Variants in MYO3A observed in about 807,000 individuals in gnomAD.
The protein encoded by MYO3A is myosin-IIIa.
A neutral mutation model predicts 192.7 loss-of-function variants in MYO3A; 180 were observed. That is an observed-to-expected ratio of 0.93 (90% CI 0.83 to 1.06). The LOEUF (loss-of-function observed/expected upper bound fraction) is 1.06. MYO3A is among the 50% of genes least tolerant of loss of function. MYO3A has a pLI of 0.00. For missense variants in MYO3A, 1,896 were observed against 1,905.0 expected (o/e 1.00, Z 0.09); for synonymous variants, 628 against 645.3 (o/e 0.97, Z 0.41).
intron 10 of MYO3A, among the ~76,000 whole-genome samples, chr10:26,032,276 A>G (rs1161687042): frequency 6.6e-6 from 1 of 152,228 alleles, no homozygotes; most frequent in Non-Finnish European, 1.5e-5. Context: ...CATATGTGGA[A>G]GGATTAACAA....
chr10:26,156,323 A>C (rs532592030), intron 25 of MYO3A, among the ~76,000 whole-genome samples: 1 of 152,276 alleles, frequency 6.6e-6, no homozygotes, highest in South Asian at 2.1e-4. Context: ...TCCAACACTA[A>C]ACGGGATCCA....
intron 3 of MYO3A, among the ~76,000 whole-genome samples, chr10:25,952,820 C>G (rs1322088448): frequency 1.5e-5 from 2 of 133,886 alleles, no homozygotes; most frequent in Non-Finnish European, 3.3e-5. Context: ...AATTAAATTT[C>G]ATGTTCAGCT....
chr10:26,107,701 A>G (rs1273455363), intron 17 of MYO3A, among the ~76,000 whole-genome samples: 3 of 152,030 alleles, frequency 2.0e-5, no homozygotes, highest in Admixed American at 6.6e-5. Context: ...CTTTAAATTA[A>G]TCCCATATCT....
intron 4 of MYO3A, among the ~76,000 whole-genome samples, chr10:25,995,345 T>G (rs1416221735): frequency 6.6e-6 from 1 of 152,230 alleles, no homozygotes; most frequent in Non-Finnish European, 1.5e-5. Context: ...TGCCGTGGTT[T>G]TCAGCTCCAT....
chr10:26,186,915 T>C (rs547616685), intron 31 of MYO3A, among the ~76,000 whole-genome samples: 2 of 152,348 alleles, frequency 1.3e-5, no homozygotes, highest in South Asian at 2.1e-4. Flanking sequence ...TTATGACTTC[T>C]GAATCTTGAT....
chr10:26,034,279 T>C (rs942695124), intron 10 of MYO3A, among the ~76,000 whole-genome samples: 1 of 152,246 alleles, frequency 6.6e-6, no homozygotes, highest in African/African-American at 2.4e-5. Flanking sequence ...ATGTGCTTAA[T>C]TGGGTCTTGT....
At chr10:26,030,044 C>T (rs1842736020) in intron 10 of MYO3A, among the ~76,000 whole-genome samples, 1 of 152,136 alleles carries the variant, frequency 6.6e-6, no homozygotes, top group Non-Finnish European at 1.5e-5. Flanking sequence ...ATCTCAAGCA[C>T]CTGGCTCCAT....
At chr10:25,989,172 C>T (rs1475559362) in intron 4 of MYO3A, among the ~76,000 whole-genome samples, 1 of 151,572 alleles carries the variant, frequency 6.6e-6, no homozygotes, top group Non-Finnish European at 1.5e-5. Context: ...TCTCTAACTC[C>T]TAGCCTTAAG....
intron 34 of MYO3A, among the ~76,000 whole-genome samples, chr10:26,209,757 C>T (rs1182066152): frequency 6.6e-6 from 1 of 152,160 alleles, no homozygotes. Context: ...CAGACCTTTG[C>T]TTTATCAACA....
chr10:26,143,626 G>A, intron 21 of MYO3A, 25 bp downstream of exon 21: 1 of 1,612,626 alleles, frequency 6.2e-7, no homozygotes, highest in Non-Finnish European at 8.5e-7. Context: ...CAGTGTGTCT[G>A]CATGGTTTTA....
intron 32 of MYO3A, among the ~76,000 whole-genome samples, chr10:26,194,790 T>C (rs1284537420): frequency 6.6e-6 from 1 of 152,200 alleles, no homozygotes; most frequent in Non-Finnish European, 1.5e-5. Context: ...TGAATCTTGA[T>C]CGCTGGCTTA....
chr10:26,040,052 A>G (rs989399131), intron 10 of MYO3A, among the ~76,000 whole-genome samples: 3 of 151,780 alleles, frequency 2.0e-5, no homozygotes, highest in Non-Finnish European at 4.4e-5. Context: ...ACTGTATTCC[A>G]TAGGTTATGG....
chr10:26,084,667 C>CTAAT (rs1330202305), intron 14 of MYO3A, among the ~76,000 whole-genome samples: 4 of 152,104 alleles, frequency 2.6e-5, no homozygotes, highest in African/African-American at 9.7e-5. Flanking sequence ...CTGCACCTGG[C>CTAAT]TAATTTTATA....
At chr10:26,046,437 C>A (rs958568600) in intron 10 of MYO3A, among the ~76,000 whole-genome samples, 1 of 152,150 alleles carries the variant, frequency 6.6e-6, no homozygotes, top group South Asian at 2.1e-4. Context: ...ACACTGGTGG[C>A]CCATGTTGTA....
chr10:26,188,888 C>T (rs369218455), intron 31 of MYO3A, among the ~76,000 whole-genome samples: 3 of 152,138 alleles, frequency 2.0e-5, no homozygotes, highest in African/African-American at 7.2e-5. Flanking sequence ...TTGGTTACTG[C>T]AGCCTTGTAG....
intron 23 of MYO3A, among the ~76,000 whole-genome samples, chr10:26,152,939 A>AC (rs1252677677): frequency 6.6e-6 from 1 of 152,212 alleles, no homozygotes; most frequent in Non-Finnish European, 1.5e-5. Context: ...GCCTTTTGCA[A>AC]CCATAAAGAA....
intron 19 of MYO3A, 69 bp downstream of exon 19, chr10:26,125,677 G>GATCTATAC: frequency 2.4e-6 from 3 of 1,268,708 alleles, no homozygotes; most frequent in Non-Finnish European, 3.4e-6. Flanking sequence ...CTAATTGATT[G>GATCTATAC]TTTTGTATAG....
At chr10:26,015,763 C>G (rs778343906) in intron 6 of MYO3A, among the ~76,000 whole-genome samples, 460 of 152,344 alleles carry the variant, frequency 3.0e-3, no homozygotes, top group Admixed American at 6.2e-3. Context: ...ACACTCCTCA[C>G]TCTTCTGTCT....
intron 11 of MYO3A, among the ~76,000 whole-genome samples, chr10:26,068,266 C>A (rs1364772240): frequency 6.6e-6 from 1 of 152,020 alleles, no homozygotes; most frequent in Non-Finnish European, 1.5e-5. Context: ...AAAATCAATT[C>A]ATTTACTCAA....
Sources: gnomAD v4.1 joint callset for allele counts (sites outside exome capture counted in the v4.1 genomes callset) on GRCh38, gnomAD v4.1.1 for gene constraint, MANE v1.5 for transcripts, NCBI Gene and HGNC (gene_info 2026-07-23, HGNC 2026-07-21) for gene names.